Variants in HERC6 observed in about 807,000 individuals in gnomAD.
The protein encoded by HERC6 is HECT and RLD domain containing E3 ubiquitin protein ligase family member 6.
Under a neutral mutation model 114.5 loss-of-function variants are expected in HERC6, and 101 were observed. The observed-to-expected ratio is 0.88, with a 90% CI of 0.75 to 1.04. The LOEUF (loss-of-function observed/expected upper bound fraction) is 1.04, where lower values mean the gene tolerates loss of function less well. Ranked by LOEUF, HERC6 falls within the 50% of genes least tolerant of loss-of-function variation. The pLI, the probability that HERC6 is intolerant of heterozygous loss-of-function variation, is 0.00. For missense variants in HERC6, 1,133 were observed against 1,230.9 expected (o/e 0.92, Z 1.19); for synonymous variants, 408 against 436.2 (o/e 0.94, Z 0.81).
intron 16 of HERC6, 95 bp downstream of exon 16, chr4:88,428,845 C>A: frequency 9.7e-7 from 1 of 1,030,032 alleles, no homozygotes; most frequent in Non-Finnish European, 1.3e-6. Context: ...CCTGCATTTG[C>A]CTCTATGGTT....
Position 88,390,690 on chromosome 4 carries a change from C to A in HERC6, c.475C>A (p.Gln159Lys). The A allele has an allele frequency of 6.2e-7, 1 of 1,613,016 alleles. No individual in the cohort carries two copies. The change falls in exon 4 of 23, where the codon CAG becomes AAG. Residue 159 changes from glutamine (Q) to lysine (K), a missense_variant. Gln to Lys is a moderately conservative substitution (Grantham distance 53). Around this residue, in one of 3 missense-constraint regions of HERC6, gnomAD observed 735 missense variants for 754.0 expected, o/e 0.97. Coordinates refer to ENST00000264346, the MANE Select transcript of HERC6 (RefSeq NM_017912.4). ...VFSWGKNSHG[Q>K]LGLGKEFPSQ... ...TTCGTGGGGAAAGAACAGCCATGGG[C>A]AGCTGGGCTTGGGGAAGGAGTTCCC...
chr4:88,390,177 CAAAAAAAAAAA>C lies in HERC6; in HGVS notation c.437-461_437-451del, dbSNP rs1156777502. 4.1e-3 allele frequency among the ~76,000 whole-genome samples: 199 copies of C among 48,678 alleles called. 3 individuals are homozygous for C. The highest frequency in any genetic ancestry group is 5.8e-3 in the Admixed American group (24 of 4,154). The allele number at this position is 48,678 out of a possible 152,430, so 31.9% of individuals were successfully genotyped here. A position where few individuals can be genotyped will look rare whatever the true frequency, so the allele number is the denominator to read the frequency against. ...TGGATGACAGAATGAAACTCTGTAT[CAAAAAAAAAAA>C]AAAAAAAAAAAAAGAAAGTCAAACT... On this transcript the variant is annotated intron_variant, in intron 3 of 22. Coordinates refer to ENST00000264346, the MANE Select transcript of HERC6 (RefSeq NM_017912.4).
chr4:88,387,398 A>G (rs1284329858), intron 3 of HERC6, among the ~76,000 whole-genome samples: 1 of 152,222 alleles, frequency 6.6e-6, no homozygotes, highest in African/African-American at 2.4e-5. Context: ...CTGTTTCTGA[A>G]AAAGAAAAAC....
Position 88,396,011 on chromosome 4 carries a change from G to T in HERC6, c.760-4G>T, listed in dbSNP as rs372744289. On this transcript the variant is annotated splice_polypyrimidine_tract_variant and splice_region_variant and intron_variant, in intron 5 of 22. Coordinates refer to ENST00000264346, the MANE Select transcript of HERC6 (RefSeq NM_017912.4). ...ATTAATTTGATTCTTCCTTTGCTAA[G>T]CAGGACGGGAAAGTGTTCACATTTG... 9.5e-6 allele frequency: 15 copies of T among 1,578,424 alleles called. No individual in the cohort carries two copies. The African/African-American group carries it at 1.6e-4, about 17-fold the overall frequency.
chr4:88,421,232 G>A (rs572452747), intron 13 of HERC6, among the ~76,000 whole-genome samples: 1 of 152,040 alleles, frequency 6.6e-6, no homozygotes. Context: ...TGGCTATTAT[G>A]AATAATGCCG....
intron 2 of HERC6, among the ~76,000 whole-genome samples, chr4:88,383,668 C>T (rs1268229270): frequency 2.2e-5 from 3 of 135,336 alleles, no homozygotes; most frequent in African/African-American, 5.4e-5. Flanking sequence ...GAGGCTGAAG[C>T]GGGAGAATCG....
intron 8 of HERC6, among the ~76,000 whole-genome samples, chr4:88,401,480 G>A (rs1353011914): frequency 4.4e-5 from 6 of 137,122 alleles, no homozygotes; most frequent in Admixed American, 8.0e-5. Context: ...GACAGAACGA[G>A]ACTCCATCTC....
chr4:88,395,815 T>G (rs1009052451), intron 5 of HERC6, among the ~76,000 whole-genome samples, 200 bp from the exon 6 acceptor site: 1 of 152,190 alleles, frequency 6.6e-6, no homozygotes, highest in African/African-American at 2.4e-5. Flanking sequence ...TGAGCTACTG[T>G]GCCTGACCCC....
At chr4:88,386,174 G>A (rs1404638946) in intron 3 of HERC6, among the ~76,000 whole-genome samples, 1 of 150,674 alleles carries the variant, frequency 6.6e-6, no homozygotes, top group African/African-American at 2.4e-5. Flanking sequence ...AAGAGAAAAG[G>A]CACCCAATTT....
intron 14 of HERC6, among the ~76,000 whole-genome samples, 153 bp from the exon 15 acceptor site, chr4:88,424,442 G>A (rs1325577680): frequency 2.0e-5 from 3 of 151,940 alleles, no homozygotes; most frequent in Non-Finnish European, 4.4e-5. Context: ...TTATGCCCCT[G>A]CACTCCAGCC....
chr4:88,404,855 T>C, intron 8 of HERC6, 21 bp from the exon 9 acceptor site: 1 of 1,611,782 alleles, frequency 6.2e-7, no homozygotes, highest in Non-Finnish European at 8.5e-7. Context: ...CTGATCATTC[T>C]TGTTTCTTCC....
chr4:88,437,773 A>C lies in HERC6; in HGVS notation c.2547A>C (p.Gln849His). The C allele has an allele frequency of 6.2e-7, 1 of 1,604,724 alleles. No homozygotes were observed. Among genetic ancestry groups the C allele is most frequent in the South Asian group, 1.1e-5 (1 of 89,442 alleles). The change falls in exon 20 of 23, where the codon CAA (glutamine) becomes CAC (histidine). Residue 849 changes from glutamine to histidine, a missense_variant. Physicochemically the swap from Gln to His is conservative, Grantham distance 24. This residue lies in a region of HERC6 where 388 missense variants were observed against 445.9 expected (regional missense o/e 0.87). Transcript: ENST00000264346. ...ATGGGATCTCCATACCTGTGGACCAAACCAACAAGTAAGTTTTGACAGCTA... is the reference window on the plus strand; with the variant it reads ...ATGGGATCTCCATACCTGTGGACCACACCAACAAGTAAGTTTTGACAGCTA... The part of the protein sequence containing the change: ...IPNGISIPVD[Q>H]TNKRDYVSKY...
In HERC6 at chr4:88,442,568, G is replaced by A. The variant is rs141732688; in HGVS notation, c.*108G>A. 1,672 of 842,960 alleles carry A rather than the reference G, an allele frequency of 2.0e-3. 17 individuals are homozygous for A. The African/African-American group carries it at 0.025, about 13-fold the overall frequency. The allele number at this position is 842,960 out of a possible 1,614,324, so 52.2% of individuals were successfully genotyped here. A position where few individuals can be genotyped will look rare whatever the true frequency, so the allele number is the denominator to read the frequency against. On this transcript the variant is annotated 3_prime_UTR_variant, in exon 23 of 23. Coordinates refer to ENST00000264346, the MANE Select transcript of HERC6 (RefSeq NM_017912.4). The stretch of plus-strand genomic sequence containing the variant: ...ATGAATAGTGGTTAGAAGTAGTTGA[G>A]GGAGAGATTGGGGGAATGGGGAGAT...
chr4:88,429,213 T>C (rs1282827455), intron 16 of HERC6, among the ~76,000 whole-genome samples: 2 of 152,198 alleles, frequency 1.3e-5, no homozygotes, highest in African/African-American at 4.8e-5. Flanking sequence ...GCAAGCATGT[T>C]CTTCCCACAG....
At chr4:88,413,295 C>G (rs1182013494) in intron 12 of HERC6, 29 bp downstream of exon 12, 9 of 1,539,278 alleles carry the variant, frequency 5.8e-6, no homozygotes, top group Non-Finnish European at 7.1e-6. Flanking sequence ...TATCTGTACT[C>G]TCAATATAGA....
chr4:88,436,246 T>TAA (rs1738721570), intron 18 of HERC6, among the ~76,000 whole-genome samples: 2 of 152,072 alleles, frequency 1.3e-5, no homozygotes, highest in Non-Finnish European at 2.9e-5. Flanking sequence ...GTAAGTCTAA[T>TAA]AAAAAAACTG....
At position 88,396,014 on chromosome 4, in the gene HERC6, G is replaced by A; in HGVS notation, c.760-1G>A. The A allele has an allele frequency of 6.3e-7, 1 of 1,588,336 alleles. No individual in the cohort carries two copies. Among genetic ancestry groups the A allele is most frequent in the Non-Finnish European group, 8.6e-7 (1 of 1,168,566 alleles). ...AATTTGATTCTTCCTTTGCTAAGCA[G>A]GACGGGAAAGTGTTCACATTTGGAG... On this transcript the variant is annotated splice_acceptor_variant, in intron 5 of 22. Coordinates refer to ENST00000264346, the MANE Select transcript of HERC6 (RefSeq NM_017912.4). LOFTEE classifies it high-confidence loss of function.
Position 88,383,319 on chromosome 4 carries a change from G to C in HERC6, c.298G>C (p.Gly100Arg), listed in dbSNP as rs376461660. ...CCACAAAGGAAGGGTCTTCGCATGG[G>C]GAGCTGGTTCTGAAGGGCAGCTGGG... The part of the protein sequence containing the change: ...VCHKGRVFAW[G>R]AGSEGQLGIG... The change falls in exon 2 of 23, where the codon GGA (glycine) becomes CGA (arginine). Residue 100 changes from glycine (G) to arginine (R), a missense_variant. This residue lies in a region of HERC6 where 735 missense variants were observed against 754.0 expected (regional missense o/e 0.97). Coordinates refer to ENST00000264346, the MANE Select transcript of HERC6 (RefSeq NM_017912.4). 4.6e-5 allele frequency: 73 copies of C among 1,570,306 alleles called. No homozygotes were observed. The South Asian group carries it at 5.4e-4, about 12-fold the overall frequency.
chr4:88,400,694 A>G (rs1217039586), intron 8 of HERC6, among the ~76,000 whole-genome samples: 1 of 152,248 alleles, frequency 6.6e-6, no homozygotes, highest in African/African-American at 2.4e-5. Context: ...TGAATACAGT[A>G]TAATAAACTA....
Sources: gnomAD v4.1 joint callset for allele counts (sites outside exome capture counted in the v4.1 genomes callset) on GRCh38, gnomAD v4.1.1 for gene constraint, gnomAD v4.1.1 regional missense constraint, MANE v1.5 for transcripts, NCBI Gene and HGNC (gene_info 2026-07-23, HGNC 2026-07-21) for gene names.